Variants in MED12L observed in about 807,000 individuals in gnomAD.
MED12L encodes mediator of RNA polymerase II transcription subunit 12-like protein.
A neutral mutation model predicts 281.3 loss-of-function variants in MED12L; 60 were observed. That is an observed-to-expected ratio of 0.21 (90% CI 0.17 to 0.26). The LOEUF (loss-of-function observed/expected upper bound fraction) is 0.26, where lower values mean the gene tolerates loss of function less well. MED12L is among the 10% of genes least tolerant of loss of function. The pLI, the probability that MED12L is intolerant of heterozygous loss-of-function variation, is 1.00. For missense variants in MED12L, 2,146 were observed against 2,680.9 expected (o/e 0.80, Z 4.41); for synonymous variants, 974 against 987.2 (o/e 0.99, Z 0.25).
At chr3:151,302,062 A>G (rs1746000934) in intron 16 of MED12L, among the ~76,000 whole-genome samples, 1 of 152,246 alleles carries the variant, frequency 6.6e-6, no homozygotes, top group Non-Finnish European at 1.5e-5. Flanking sequence ...AATATTACTC[A>G]ATAAAAATAA....
At chr3:151,371,689 T>G (rs1468577579) in intron 26 of MED12L, among the ~76,000 whole-genome samples, 1 of 152,208 alleles carries the variant, frequency 6.6e-6, no homozygotes, top group African/African-American at 2.4e-5. Flanking sequence ...ATTTGTTGGT[T>G]CCAGGAAATT....
chr3:151,351,191 G>C (rs553159147), intron 17 of MED12L, among the ~76,000 whole-genome samples: 1 of 152,146 alleles, frequency 6.6e-6, no homozygotes, highest in African/African-American at 2.4e-5. Context: ...GTCCACCCTA[G>C]ATCTTTACTA....
intron 16 of MED12L, among the ~76,000 whole-genome samples, chr3:151,197,535 C>T (rs1412601938): frequency 3.3e-5 from 5 of 152,170 alleles, no homozygotes; most frequent in Admixed American, 1.3e-4. Context: ...TCGGCCTGTG[C>T]TACATTCCTA....
intron 16 of MED12L, among the ~76,000 whole-genome samples, chr3:151,209,506 C>T (rs755892734): frequency 4.6e-5 from 7 of 152,056 alleles, no homozygotes; most frequent in South Asian, 2.1e-4. Context: ...CCATTAGAGT[C>T]TTGTGGAAAA....
chr3:151,422,137 C>A (rs570426215), intron 43 of MED12L, among the ~76,000 whole-genome samples: 39 of 152,306 alleles, frequency 2.6e-4, no homozygotes, highest in Admixed American at 9.2e-4. Flanking sequence ...AGTGAAACAT[C>A]ACTTCCTGCC....
chr3:151,327,897 A>G lies in MED12L; in HGVS notation c.2251-22162A>G, dbSNP rs1749839914. On this transcript the variant is annotated intron_variant, in intron 16 of 44. Coordinates refer to ENST00000687756, the MANE Select transcript of MED12L (RefSeq NM_001393769.1). Reference sequence around the variant, plus strand: ...CGAGGATAATAAAATGTAAGAGAGCATTTGTTCCAATCTTTTTTTCTTGGT... The same window carrying G: ...CGAGGATAATAAAATGTAAGAGAGCGTTTGTTCCAATCTTTTTTTCTTGGT... The G allele has an allele frequency of 8.9e-6, 8 of 894,156 alleles. No homozygotes were observed. The South Asian group carries it at 1.5e-4, about 17-fold the overall frequency. 55.4% of individuals were successfully genotyped at this position (894,156 alleles called of 1,614,324 possible). A position where few individuals can be genotyped will look rare whatever the true frequency, so the allele number is the denominator to read the frequency against.
At chr3:151,309,365 C>T (rs764460060) in intron 16 of MED12L, among the ~76,000 whole-genome samples, 10 of 152,240 alleles carry the variant, frequency 6.6e-5, no homozygotes, top group Admixed American at 2.6e-4. Flanking sequence ...CATGCATTTT[C>T]CTGCTATTCA....
chr3:151,235,548 A>G (rs1392256710), intron 16 of MED12L, among the ~76,000 whole-genome samples: 2 of 152,098 alleles, frequency 1.3e-5, no homozygotes, highest in African/African-American at 4.8e-5. Context: ...TACTAAAAAT[A>G]CAAAAATTAG....
rs375774710 is a variant in MED12L, at chr3:151,090,869, G to A, written c.99+3844G>A. 2.3e-3 allele frequency among the ~76,000 whole-genome samples: 354 copies of A among 152,102 alleles called. 3 individuals are homozygous for A. The highest frequency in any genetic ancestry group is 8.3e-3 in the African/African-American group (346 of 41,486). ...AGCCTTAACAACATGGTGAAACCCC[G>A]TCTCTACTAAAAAATACAAAAATTA... On this transcript the variant is annotated intron_variant, in intron 2 of 44. Coordinates refer to ENST00000687756, the MANE Select transcript of MED12L (RefSeq NM_001393769.1).
In MED12L at chr3:151,234,314, C is replaced by T. The variant is rs532252569; in HGVS notation, c.2250+40648C>T. Among the ~76,000 whole-genome samples, 78 of 152,170 alleles carry T rather than the reference C, an allele frequency of 5.1e-4. 1 individual carries two copies. Among genetic ancestry groups the T allele is most frequent in the Non-Finnish European group, 9.8e-4 (67 of 68,024 alleles). On this transcript the variant is annotated intron_variant, in intron 16 of 44. Transcript: ENST00000687756. Reference sequence around the variant, plus strand: ...TGGTCCTGACAAGATAGGAGTAATCCTGTTTTATACTGGAGGATAACAAAG... The same window carrying T: ...TGGTCCTGACAAGATAGGAGTAATCTTGTTTTATACTGGAGGATAACAAAG...
At chr3:151,198,743 T>C in intron 16 of MED12L, 1 of 1,613,332 alleles carries the variant, frequency 6.2e-7, no homozygotes, top group Non-Finnish European at 8.5e-7. Context: ...CACATTTGGG[T>C]AATTTTCATT....
At chr3:151,209,577 A>G (rs561201070) in intron 16 of MED12L, among the ~76,000 whole-genome samples, 2 of 152,150 alleles carry the variant, frequency 1.3e-5, no homozygotes, top group Admixed American at 6.5e-5. Context: ...CAAACACACA[A>G]ACCCTCACAG....
chr3:151,335,163 A>G (rs957808431), intron 16 of MED12L, among the ~76,000 whole-genome samples: 1 of 152,274 alleles, frequency 6.6e-6, no homozygotes, highest in African/African-American at 2.4e-5. Context: ...ACTTTGAAAT[A>G]TACAATACAG....
intron 16 of MED12L, among the ~76,000 whole-genome samples, chr3:151,219,901 C>G (rs962587474): frequency 2.8e-5 from 4 of 140,980 alleles, no homozygotes; most frequent in Non-Finnish European, 6.2e-5. Flanking sequence ...ACCCCCCCCC[C>G]CCCCTTGGAT....
intron 16 of MED12L, chr3:151,338,074 G>A: frequency 6.2e-7 from 1 of 1,613,978 alleles, no homozygotes; most frequent in Non-Finnish European, 8.5e-7. Context: ...AGGGTGTAAG[G>A]AATTCGGGCA....
At chr3:151,191,160 A>G (rs1037422553) in intron 14 of MED12L, among the ~76,000 whole-genome samples, 1 of 152,208 alleles carries the variant, frequency 6.6e-6, no homozygotes, top group African/African-American at 2.4e-5. Context: ...AAATAATCTG[A>G]CAGGCCATAA....
intron 43 of MED12L, among the ~76,000 whole-genome samples, chr3:151,422,423 T>A (rs9822585): frequency 0.14 from 20,776 of 152,158 alleles, 1,902 homozygotes; most frequent in East Asian, 0.43. Flanking sequence ...CAGCTTCTGG[T>A]GGCTCGCTGG....
At chr3:151,275,162 T>C (rs1243622738) in intron 16 of MED12L, among the ~76,000 whole-genome samples, 1 of 152,160 alleles carries the variant, frequency 6.6e-6, no homozygotes, top group Non-Finnish European at 1.5e-5. Context: ...AGTGATGTGA[T>C]GAAAATAATT....
At chr3:151,321,762 T>C (rs2149825311) in intron 16 of MED12L, among the ~76,000 whole-genome samples, 1 of 152,326 alleles carries the variant, frequency 6.6e-6, no homozygotes, top group African/African-American at 2.4e-5. Flanking sequence ...CCTTAAGTCT[T>C]AAATTTAATT....
Sources: allele counts gnomAD v4.1 joint callset (sites outside exome capture counted in the v4.1 genomes callset), GRCh38; gene constraint gnomAD v4.1.1; transcripts MANE v1.5; gene names NCBI Gene and HGNC (gene_info 2026-07-23, HGNC 2026-07-21).